ACTR3: variants seen among roughly 807,000 people sequenced by gnomAD.
The protein encoded by ACTR3 is actin related protein 3.
Under a neutral mutation model 56.8 loss-of-function variants are expected in ACTR3, and 12 were observed. The observed-to-expected ratio is 0.21, with a 90% CI of 0.14 to 0.34. The LOEUF is 0.34. Among genes scored for constraint, ACTR3 ranks in the 10% least tolerant of loss-of-function variants. The pLI is 1.00. For missense variants in ACTR3, 282 were observed against 512.5 expected (o/e 0.55, Z 4.34); for synonymous variants, 162 against 167.4 (o/e 0.97, Z 0.25).
Position 113,907,976 on chromosome 2 carries a change from CAA to C in ACTR3, c.45-5171_45-5170del, listed in dbSNP as rs70937249. ...GCAACAAGAGCAAAACTCTGTCCCCCAAAAAAAAAAAAAAAAAAAAAAAAAAG... is the reference window on the plus strand; with the variant it reads ...GCAACAAGAGCAAAACTCTGTCCCCCAAAAAAAAAAAAAAAAAAAAAAAAG... On this transcript the variant is annotated intron_variant, in intron 1 of 11. Coordinates refer to ENST00000263238, the MANE Select transcript of ACTR3 (RefSeq NM_005721.5). Among the ~76,000 whole-genome samples, 307 of 69,076 alleles carry C rather than the reference CAA, an allele frequency of 4.4e-3. 1 individual carries two copies. The highest frequency in any genetic ancestry group is 0.016 in the African/African-American group (283 of 17,754). The allele number at this position is 69,076 out of a possible 152,430, so 45.3% of individuals were successfully genotyped here. A position where few individuals can be genotyped will look rare whatever the true frequency, so the allele number is the denominator to read the frequency against.
chr2:113,892,177 T>C (rs1678916708), intron 1 of ACTR3, among the ~76,000 whole-genome samples: 1 of 152,242 alleles, frequency 6.6e-6, no homozygotes, highest in African/African-American at 2.4e-5. Flanking sequence ...GTATACAAGA[T>C]GTTTCATTGA....
At chr2:113,913,928 T>C (rs2104593798) in intron 2 of ACTR3, among the ~76,000 whole-genome samples, 1 of 152,368 alleles carries the variant, frequency 6.6e-6, no homozygotes, top group Admixed American at 6.5e-5. Flanking sequence ...ACGTTTTTTG[T>C]ACATAATATA....
intron 1 of ACTR3, among the ~76,000 whole-genome samples, chr2:113,909,335 T>C (rs567833382): frequency 2.0e-5 from 3 of 152,318 alleles, no homozygotes; most frequent in East Asian, 1.9e-4. Flanking sequence ...CATTGATGAA[T>C]ATACTCAGCC....
intron 6 of ACTR3, among the ~76,000 whole-genome samples, chr2:113,935,166 A>G (rs1679804050): frequency 6.6e-6 from 1 of 152,174 alleles, no homozygotes; most frequent in South Asian, 2.1e-4. Context: ...ATGATATGTC[A>G]TAATGGTTTT....
intron 1 of ACTR3, among the ~76,000 whole-genome samples, chr2:113,897,952 G>C (rs1679040268): frequency 6.6e-6 from 1 of 152,086 alleles, no homozygotes. Flanking sequence ...TGTGTCATTT[G>C]TGAAAATGCA....
chr2:113,932,962 T>C (rs1014293263), intron 5 of ACTR3, among the ~76,000 whole-genome samples: 1 of 152,214 alleles, frequency 6.6e-6, no homozygotes, highest in South Asian at 2.1e-4. Flanking sequence ...AGTATAAGTT[T>C]AGTTGTTTTT....
rs1165559738 is a variant in ACTR3, at chr2:113,916,979, G to A, written c.196G>A (p.Ala66Thr). The A allele has an allele frequency of 3.7e-6, 6 of 1,607,248 alleles. No individual in the cohort carries two copies. The African/African-American group carries it at 8.0e-5, about 22-fold the overall frequency. ...CCTAGACTTCTTCATTGGTGATGAA[G>A]CAATAGAAAAACCTACATATGCAAC... Reference protein sequence around the residue: ...DDLDFFIGDEAIEKPTYATKW... With the variant: ...DDLDFFIGDETIEKPTYATKW... The change falls in exon 3 of 12, where the codon GCA becomes ACA. Residue 66 changes from alanine (A) to threonine (T), a missense_variant. Coordinates refer to ENST00000263238, the MANE Select transcript of ACTR3 (RefSeq NM_005721.5).
chr2:113,951,505 T>A lies in ACTR3; in HGVS notation c.885T>A (p.Pro295=). 1 of 1,612,606 alleles carries A rather than the reference T, an allele frequency of 6.2e-7. No homozygotes were observed. The highest frequency in any genetic ancestry group is 8.5e-7 in the Non-Finnish European group (1 of 1,178,798). The change falls in exon 9 of 12, where the codon CCT becomes CCA. Residue 295 remains proline (P), a synonymous_variant. Coordinates refer to ENST00000263238, the MANE Select transcript of ACTR3 (RefSeq NM_005721.5). Reference sequence around the variant, plus strand: ...TTGCTAATCCAGACTTTACACAACCTATCTCAGAAGTTGTAGATGAAGTAA... The same window carrying A: ...TTGCTAATCCAGACTTTACACAACCAATCTCAGAAGTTGTAGATGAAGTAA... ...PEFANPDFTQ[P]ISEVVDEVIQ... is the part of the protein sequence containing the mutation.
chr2:113,936,190 G>T (rs1323300864), intron 6 of ACTR3, among the ~76,000 whole-genome samples: 1 of 151,750 alleles, frequency 6.6e-6, no homozygotes, highest in African/African-American at 2.4e-5. Context: ...TACTCCAGAG[G>T]CTGAGGAGGG....
intron 3 of ACTR3, among the ~76,000 whole-genome samples, chr2:113,918,674 C>G (rs1275619770): frequency 3.9e-5 from 6 of 152,140 alleles, no homozygotes; most frequent in Non-Finnish European, 8.8e-5. Flanking sequence ...TGTGAGTTAC[C>G]ACGCCTGGGC....
chr2:113,903,414 T>A (rs1056670632), intron 1 of ACTR3, among the ~76,000 whole-genome samples: 5 of 152,230 alleles, frequency 3.3e-5, no homozygotes, highest in South Asian at 4.1e-4. Context: ...TTGCCCAGGC[T>A]GGAGTGCAGT....
In ACTR3 at chr2:113,958,601, GT is replaced by G. The variant is rs34250255; in HGVS notation, c.*1158del. 0.31 allele frequency: 44,761 copies of G among 145,228 alleles called. 10,729 individuals carry two copies. The highest frequency in any genetic ancestry group is 0.67 in the African/African-American group (27,098 of 40,644). The allele number at this position is 145,228 out of a possible 1,614,324, so 9.0% of individuals were successfully genotyped here. A position where few individuals can be genotyped will look rare whatever the true frequency, so the allele number is the denominator to read the frequency against. Reference sequence around the variant, plus strand: ...TTAAAACTGAATTACCTTTTCTAATGTTTTTTTTTTTTAAGTAATGTAATTC... The same window carrying G: ...TTAAAACTGAATTACCTTTTCTAATGTTTTTTTTTTTAAGTAATGTAATTC... On this transcript the variant is annotated 3_prime_UTR_variant, in exon 12 of 12. Coordinates refer to ENST00000263238, the MANE Select transcript of ACTR3 (RefSeq NM_005721.5).
At chr2:113,896,177 G>GT (rs1679004246) in intron 1 of ACTR3, among the ~76,000 whole-genome samples, 1 of 152,036 alleles carries the variant, frequency 6.6e-6, no homozygotes, top group African/African-American at 2.4e-5. Flanking sequence ...GTTTTGTTCT[G>GT]TTTTTTGATA....
chr2:113,910,478 A>T (rs1280879188), intron 1 of ACTR3, among the ~76,000 whole-genome samples: 1 of 152,102 alleles, frequency 6.6e-6, no homozygotes, highest in African/African-American at 2.4e-5. Context: ...GAGTATGGGA[A>T]ACTCATCTTC....
chr2:113,957,304 A>C (rs1680233863), intron 11 of ACTR3, 56 bp from the exon 12 acceptor site: 2 of 1,275,404 alleles, frequency 1.6e-6, no homozygotes, highest in East Asian at 4.6e-5. Flanking sequence ...ATTTCAATAT[A>C]CCTTCAAGAT....
chr2:113,917,354 T>G (rs1479319289), intron 3 of ACTR3, among the ~76,000 whole-genome samples: 2 of 152,198 alleles, frequency 1.3e-5, no homozygotes, highest in Non-Finnish European at 2.9e-5. Flanking sequence ...TTTTTCTCTT[T>G]TTTGAAGTTT....
At chr2:113,924,684 A>G (rs1458714912) in intron 3 of ACTR3, among the ~76,000 whole-genome samples, 1 of 152,072 alleles carries the variant, frequency 6.6e-6, no homozygotes, top group African/African-American at 2.4e-5. Flanking sequence ...TCTCATTGAT[A>G]ACTTCAGTTT....
chr2:113,937,995 T>G (rs1031082356), intron 6 of ACTR3, among the ~76,000 whole-genome samples: 2 of 152,154 alleles, frequency 1.3e-5, no homozygotes, highest in African/African-American at 2.4e-5. Context: ...CTTCACAGTG[T>G]CTCAAAGATC....
chr2:113,957,083 C>T (rs1680230292), intron 11 of ACTR3, among the ~76,000 whole-genome samples: 1 of 152,170 alleles, frequency 6.6e-6, no homozygotes, highest in African/African-American at 2.4e-5. Flanking sequence ...ATTTGAGAAC[C>T]TTCCATTTTT....
Sources: gnomAD v4.1 joint callset for allele counts (sites outside exome capture counted in the v4.1 genomes callset) on GRCh38, gnomAD v4.1.1 for gene constraint, MANE v1.5 for transcripts, NCBI Gene and HGNC (gene_info 2026-07-23, HGNC 2026-07-21) for gene names.